IKZF2: variants seen among roughly 807,000 people sequenced by gnomAD.
IKZF2 encodes the protein IKAROS family zinc finger 2.
IKZF2 carries 15 observed loss-of-function variants against 49.2 expected under a neutral mutation model. The observed-to-expected ratio is 0.30, with a 90% confidence interval of 0.20 to 0.47. The LOEUF (loss-of-function observed/expected upper bound fraction) is 0.47, where lower values mean the gene tolerates loss of function less well. Ranked by LOEUF, IKZF2 falls within the 20% of genes least tolerant of loss-of-function variation. The probability of loss-of-function intolerance (pLI) is 1.00; values close to 1 mark genes in which losing one functional copy is unlikely to be tolerated. For missense variants in IKZF2, 567 were observed against 664.6 expected (o/e 0.85, Z 1.61); for synonymous variants, 227 against 221.4 (o/e 1.03, Z -0.23).
chr2:213,151,850 C>G (rs2061292618), upstream of IKZF2, among the ~76,000 whole-genome samples: 3 of 149,748 alleles, frequency 2.0e-5, no homozygotes, highest in Admixed American at 2.0e-4. Context: ...TGTATGAGAG[C>G]GCGTGTGCGC....
At chr2:213,132,309 T>C (rs1004433514) in intron 4 of IKZF2, among the ~76,000 whole-genome samples, 4 of 144,010 alleles carry the variant, frequency 2.8e-5, no homozygotes, top group Non-Finnish European at 6.1e-5. Context: ...TAGGAGGTGA[T>C]AAAGGCATCC....
chr2:213,039,534 C>T (rs1370974930), intron 6 of IKZF2, among the ~76,000 whole-genome samples: 1 of 151,962 alleles, frequency 6.6e-6, no homozygotes, highest in Non-Finnish European at 1.5e-5. Flanking sequence ...GAGTAGGTCA[C>T]AAAGTAGTGT....
intron 6 of IKZF2, among the ~76,000 whole-genome samples, chr2:213,038,369 T>A (rs1699256027): frequency 6.6e-6 from 1 of 152,170 alleles, no homozygotes; most frequent in African/African-American, 2.4e-5. Flanking sequence ...GGTCTGGTTT[T>A]AAAATAATGT....
Position 213,122,939 on chromosome 2 carries a change from C to A in IKZF2, c.139+24769G>T, listed in dbSNP as rs139287237. ...AAATGTGAGTGAGTCACCATCCTAA[C>A]GATTTAGATTGCTAAGGTGCACATA... On this transcript the variant is annotated intron_variant, in intron 4 of 8. Coordinates refer to ENST00000434687, the MANE Select transcript of IKZF2 (RefSeq NM_001387220.1). Among the ~76,000 whole-genome samples, 60 of 152,312 alleles carry A rather than the reference C, an allele frequency of 3.9e-4. No homozygotes were observed. The Middle Eastern group carries it at 0.014, about 35-fold the overall frequency.
At chr2:213,127,339 A>T (rs1165130528) in intron 4 of IKZF2, among the ~76,000 whole-genome samples, 1 of 152,176 alleles carries the variant, frequency 6.6e-6, no homozygotes, top group Non-Finnish European at 1.5e-5. Context: ...CTCTTCCCAA[A>T]TCTGCACCAG....
intron 4 of IKZF2, among the ~76,000 whole-genome samples, chr2:213,077,131 C>T (rs1703360025): frequency 6.6e-6 from 1 of 152,112 alleles, no homozygotes; most frequent in African/African-American, 2.4e-5. Flanking sequence ...ATAGAGAAGG[C>T]TTATTTTAAG....
chr2:213,146,552 C>T (rs1473762029), intron 4 of IKZF2, among the ~76,000 whole-genome samples: 1 of 151,750 alleles, frequency 6.6e-6, no homozygotes, highest in South Asian at 2.1e-4. Flanking sequence ...TAATAAATTG[C>T]AAAATGTATT....
At chr2:213,140,540 A>G (rs941210970) in intron 4 of IKZF2, among the ~76,000 whole-genome samples, 2 of 151,974 alleles carry the variant, frequency 1.3e-5, no homozygotes, top group Non-Finnish European at 2.9e-5. Context: ...GAAACAGGTT[A>G]CAGAATAAAG....
chr2:213,010,179 T>C (rs1331025527), intron 8 of IKZF2, among the ~76,000 whole-genome samples: 3 of 152,186 alleles, frequency 2.0e-5, no homozygotes, highest in South Asian at 2.1e-4. Context: ...GTAATAATAA[T>C]GTCCAGTAAG....
Position 213,005,008 on chromosome 2 carries a change from G to A in IKZF2, c.*2352C>T, listed in dbSNP as rs1343258423. On this transcript the variant is annotated 3_prime_UTR_variant, in exon 9 of 9. Coordinates refer to ENST00000434687, the MANE Select transcript of IKZF2 (RefSeq NM_001387220.1). ...TCATATACTGAAAAAAAAATAAGTA[G>A]GAAGAAAATTCATAGATAATGCCAG... is the stretch of plus-strand genomic sequence containing the variant. The A allele has an allele frequency of 6.6e-6, 1 of 152,186 alleles. No homozygotes were observed. Among genetic ancestry groups the A allele is most frequent in the Non-Finnish European group, 1.5e-5 (1 of 67,886 alleles). The allele number at this position is 152,186 out of a possible 1,614,324, so 9.4% of individuals were successfully genotyped here.
chr2:213,125,870 C>T (rs1431316223), intron 4 of IKZF2, among the ~76,000 whole-genome samples: 1 of 151,644 alleles, frequency 6.6e-6, no homozygotes, highest in East Asian at 1.9e-4. Flanking sequence ...AAGTATGTAC[C>T]ATGCAACCCT....
At position 213,006,257 on chromosome 2, in the gene IKZF2, A is replaced by G. The variant is rs1695337950; in HGVS notation, c.*1103T>C. Reference sequence around the variant, plus strand: ...CCTTCTACTCGAAGAGTAAAGGATGAATGAACTATGGACAGAACACCGGGA... The same window carrying G: ...CCTTCTACTCGAAGAGTAAAGGATGGATGAACTATGGACAGAACACCGGGA... On this transcript the variant is annotated 3_prime_UTR_variant, in exon 9 of 9. Transcript: ENST00000434687. 6.6e-6 allele frequency: 1 copy of G among 152,456 alleles called. No individual in the cohort carries two copies. The highest frequency in any genetic ancestry group is 1.5e-5 in the Non-Finnish European group (1 of 67,974). 9.4% of individuals were successfully genotyped at this position (152,456 alleles called of 1,614,324 possible). A position where few individuals can be genotyped will look rare whatever the true frequency, so the allele number is the denominator to read the frequency against.
intron 4 of IKZF2, among the ~76,000 whole-genome samples, chr2:213,130,848 C>T (rs537303676): frequency 1.1e-4 from 17 of 151,978 alleles, no homozygotes; most frequent in South Asian, 4.2e-4. Flanking sequence ...TTTTTTGTAA[C>T]GTTAAAGAAA....
At chr2:213,081,952 A>G (rs1366168409) in intron 4 of IKZF2, among the ~76,000 whole-genome samples, 1 of 152,188 alleles carries the variant, frequency 6.6e-6, no homozygotes, top group African/African-American at 2.4e-5. Context: ...AAAGTCAGGG[A>G]GGTCCTTAAA....
rs1024192619 is a variant in IKZF2, at chr2:213,049,765, G to A, written c.522C>T (p.Ser174=). ...GEKPFKCPFC[S]YACRRRDALT... ...GGGCGTCCCTTCTTCTACAGGCGTA[G>A]CTACAGAAAGGACATTTGAACGGCT... The change falls in exon 6 of 9, where the codon AGC becomes AGT. Residue 174 remains serine (S), a synonymous_variant. Transcript: ENST00000434687. 6.2e-7 allele frequency: 1 copy of A among 1,610,758 alleles called. No homozygotes were observed. The highest frequency in any genetic ancestry group is 8.5e-7 in the Non-Finnish European group (1 of 1,177,992).
At chr2:213,109,322 A>G (rs1483662035) in intron 4 of IKZF2, among the ~76,000 whole-genome samples, 3 of 152,076 alleles carry the variant, frequency 2.0e-5, no homozygotes, top group African/African-American at 7.2e-5. Context: ...AGGTAGTGGC[A>G]AACTGTGCAT....
intron 4 of IKZF2, among the ~76,000 whole-genome samples, chr2:213,081,469 T>C (rs1412760984): frequency 6.6e-6 from 1 of 152,042 alleles, no homozygotes; most frequent in Non-Finnish European, 1.5e-5. Flanking sequence ...CAACAAATAA[T>C]GAGAATATGG....
intron 4 of IKZF2, 87 bp downstream of exon 4, chr2:213,147,621 T>G: frequency 6.5e-6 from 6 of 923,366 alleles, no homozygotes; most frequent in Non-Finnish European, 1.1e-5. Context: ...TACCACAATG[T>G]GAGAGGACCC....
Position 213,002,585 on chromosome 2 carries a change from C to G in IKZF2, c.*4775G>C, listed in dbSNP as rs1215813257. The G allele has an allele frequency of 6.6e-6, 1 of 151,816 alleles. No individual in the cohort carries two copies. The highest frequency in any genetic ancestry group is 2.4e-5 in the African/African-American group (1 of 41,342). 9.4% of individuals were successfully genotyped at this position (151,816 alleles called of 1,614,324 possible). ...TCATTTTTTTAAAAAGCTGTCATAT[C>G]CTAACACACCCATTGCAAGTAATAC... On this transcript the variant is annotated 3_prime_UTR_variant, in exon 9 of 9. Coordinates refer to ENST00000434687, the MANE Select transcript of IKZF2 (RefSeq NM_001387220.1).
Sources: allele counts gnomAD v4.1 joint callset (sites outside exome capture counted in the v4.1 genomes callset), GRCh38; gene constraint gnomAD v4.1.1; transcripts MANE v1.5; gene names NCBI Gene and HGNC (gene_info 2026-07-23, HGNC 2026-07-21).